Variants in PRELID2 observed in about 807,000 individuals in gnomAD.
The protein encoded by PRELID2 is PRELI domain containing 2, also known as PRELI domain-containing protein 2.
In PRELID2, 25 loss-of-function variants were observed where a neutral mutation model predicts 28.4. The observed-to-expected ratio is 0.88, with a 90% confidence interval of 0.64 to 1.23. PRELID2 has a LOEUF of 1.23. Among genes scored for constraint, PRELID2 ranks in the 50% most tolerant of loss-of-function variants. The pLI is 0.00. For synonymous variants in PRELID2, 76 were observed against 71.6 expected, an observed-to-expected ratio of 1.06 and a Z score of -0.31; for missense variants, 201 against 214.4, an observed-to-expected ratio of 0.94 and a Z score of 0.39.
At chr5:145,788,962 C>T (rs1164100825) in intron 5 of PRELID2, among the ~76,000 whole-genome samples, 1 of 151,864 alleles carries the variant, frequency 6.6e-6, no homozygotes, top group Non-Finnish European at 1.5e-5. Flanking sequence ...AGTAAAAGAT[C>T]TCTACACTGA....
rs994578253 is a variant in PRELID2, at chr5:145,590,226, T to C, written n.71-116911A>G. Among the ~76,000 whole-genome samples the C allele has an allele frequency of 3.3e-5, 5 of 152,188 alleles. 1 individual carries two copies. In the East Asian group the frequency reaches 9.6e-4, roughly 29 times the overall value. ...TCTGGTCTGGTCCTCCCCCAGATTATTGGATGGTTCCTTTGTCTCATTCTG... is the reference window on the plus strand; with the variant it reads ...TCTGGTCTGGTCCTCCCCCAGATTACTGGATGGTTCCTTTGTCTCATTCTG... On this transcript the variant is annotated intron_variant and non_coding_transcript_variant, in intron 1 of 2. Transcript: ENST00000510259.
At chr5:145,238,574 A>G in the PRELID2 span, among the ~76,000 whole-genome samples, 1 of 152,120 alleles carries the variant, frequency 6.6e-6, no homozygotes, top group Admixed American at 6.6e-5. Flanking sequence ...TGTTGAATAA[A>G]TAAATGACTA....
chr5:145,536,047 A>C (rs1752695074), intron 1 of PRELID2, among the ~76,000 whole-genome samples: 1 of 151,946 alleles, frequency 6.6e-6, no homozygotes, highest in Non-Finnish European at 1.5e-5. Context: ...AAAATACTAC[A>C]AAGTTTGTGT....
intron 1 of PRELID2, among the ~76,000 whole-genome samples, chr5:145,554,451 A>G (rs1229913483): frequency 6.6e-6 from 1 of 152,148 alleles, no homozygotes; most frequent in Non-Finnish European, 1.5e-5. Context: ...ACCCAGAGAG[A>G]AGTTTCAGAG....
At chr5:145,266,270 A>C in the PRELID2 span, among the ~76,000 whole-genome samples, 3 of 151,966 alleles carry the variant, frequency 2.0e-5, no homozygotes, top group Non-Finnish European at 4.4e-5. Context: ...ATCCTTAAAA[A>C]TTTCCCCTTC....
chr5:145,733,531 CTTCT>C (rs1756408929), intron 1 of PRELID2, among the ~76,000 whole-genome samples: 3 of 152,130 alleles, frequency 2.0e-5, no homozygotes, highest in Non-Finnish European at 4.4e-5. Flanking sequence ...CATACTGCAC[CTTCT>C]GATTTACCAT....
chr5:145,502,369 C>G lies in PRELID2; in HGVS notation n.71-29054G>C, dbSNP rs571287167. 7.2e-5 allele frequency among the ~76,000 whole-genome samples: 11 copies of G among 152,214 alleles called. No homozygotes were observed. The South Asian group carries it at 1.9e-3, about 26-fold the overall frequency. On this transcript the variant is annotated intron_variant and non_coding_transcript_variant, in intron 1 of 2. Coordinates refer to the PRELID2 transcript ENST00000510259. ...TAAACCACCCTCATAATCTAATCAC[C>G]TTCTACCAGGCCCCACCTCCAACAC...
the PRELID2 span, among the ~76,000 whole-genome samples, chr5:145,292,825 AGCCT>A: frequency 0.017 from 2,651 of 152,188 alleles, 86 homozygotes; most frequent in African/African-American, 0.06. Flanking sequence ...CTTTTACCTC[AGCCT>A]TCCAGGTAGC....
chr5:145,803,454 G>A (rs1252425793), intron 4 of PRELID2, among the ~76,000 whole-genome samples: 4 of 151,954 alleles, frequency 2.6e-5, no homozygotes, highest in South Asian at 2.1e-4. Context: ...GACAGGGAAC[G>A]AAGGCGCGGC....
At chr5:145,300,762 C>T in the PRELID2 span, among the ~76,000 whole-genome samples, 3 of 135,572 alleles carry the variant, frequency 2.2e-5, no homozygotes, top group East Asian at 2.1e-4. Flanking sequence ...AGAATATTTA[C>T]GTGTTGTATT....
intron 1 of PRELID2, among the ~76,000 whole-genome samples, chr5:145,588,478 G>T (rs1753183439): frequency 6.6e-6 from 1 of 152,090 alleles, no homozygotes; most frequent in African/African-American, 2.4e-5. Context: ...TGAATGAATA[G>T]ACCTGTAATC....
chr5:145,286,713 T>G, the PRELID2 span, among the ~76,000 whole-genome samples: 7 of 63,942 alleles, frequency 1.1e-4, no homozygotes, highest in South Asian at 1.7e-3. Flanking sequence ...TTTTTTTTTG[T>G]TTGTTTGTTT....
chr5:145,386,542 C>A, the PRELID2 span, among the ~76,000 whole-genome samples: 2 of 152,092 alleles, frequency 1.3e-5, no homozygotes, highest in African/African-American at 2.4e-5. Flanking sequence ...TGTAAGTTTC[C>A]TGAGGCCTCC....
chr5:145,375,082 C>T, the PRELID2 span, among the ~76,000 whole-genome samples: 5 of 152,268 alleles, frequency 3.3e-5, no homozygotes, highest in East Asian at 9.6e-4. Flanking sequence ...GGGTTTTCAG[C>T]ATATTTTCAT....
chr5:145,439,178 T>C, the PRELID2 span, among the ~76,000 whole-genome samples: 1 of 152,148 alleles, frequency 6.6e-6, no homozygotes, highest in Non-Finnish European at 1.5e-5. Flanking sequence ...CTCTGCAGAA[T>C]TGCCTGGGAT....
At chr5:145,531,635 CTG>C (rs1213895273) in intron 1 of PRELID2, among the ~76,000 whole-genome samples, 1 of 152,180 alleles carries the variant, frequency 6.6e-6, no homozygotes, top group Non-Finnish European at 1.5e-5. Context: ...CCTCTGCAGA[CTG>C]TGCATCGGCA....
At chr5:145,679,644 A>G (rs1469633245) in intron 1 of PRELID2, among the ~76,000 whole-genome samples, 2 of 152,076 alleles carry the variant, frequency 1.3e-5, no homozygotes, top group Non-Finnish European at 2.9e-5. Flanking sequence ...ATAATTAATT[A>G]TCCTGCCAAA....
At chr5:145,686,996 C>G (rs1452878763) in intron 1 of PRELID2, among the ~76,000 whole-genome samples, 2 of 152,056 alleles carry the variant, frequency 1.3e-5, no homozygotes, top group Non-Finnish European at 2.9e-5. Flanking sequence ...TAAAGCAAGA[C>G]AAATTGTCAT....
At chr5:145,728,389 G>T in intron 1 of PRELID2, 1 of 481,678 alleles carries the variant, frequency 2.1e-6, no homozygotes, top group Non-Finnish European at 3.8e-6. Context: ...TTATGGCCCT[G>T]GGTAGAGCTC....
Sources: gnomAD v4.1 joint callset for allele counts (sites outside exome capture counted in the v4.1 genomes callset) on GRCh38, gnomAD v4.1.1 for gene constraint, MANE v1.5 for transcripts, NCBI Gene and HGNC (gene_info 2026-07-23, HGNC 2026-07-21) for gene names.